Variants in CELF1 observed in about 807,000 individuals in gnomAD.
The protein encoded by CELF1 is CUGBP Elav-like family member 1.
CELF1 carries 10 observed loss-of-function variants against 61.8 expected under a neutral mutation model. The observed-to-expected ratio is 0.16, with a 90% CI of 0.10 to 0.27. The LOEUF (loss-of-function observed/expected upper bound fraction) is 0.27, where lower values mean the gene tolerates loss of function less well. Among genes scored for constraint, CELF1 ranks in the 10% least tolerant of loss-of-function variants. The probability of loss-of-function intolerance (pLI) is 1.00; values close to 1 mark genes in which losing one functional copy is unlikely to be tolerated. For missense variants in CELF1, 380 were observed against 639.1 expected, an observed-to-expected ratio of 0.59 and a Z score of 4.37; for synonymous variants, 236 against 225.1, an observed-to-expected ratio of 1.05 and a Z score of -0.43.
intron 3 of CELF1, among the ~76,000 whole-genome samples, chr11:47,493,303 C>T (rs1403200013): frequency 6.7e-6 from 1 of 148,660 alleles, no homozygotes; most frequent in African/African-American, 2.5e-5. Flanking sequence ...GAGTTTGAGA[C>T]CAGCCTGAAC....
chr11:47,545,573 G>A (rs1598478811), intron 1 of CELF1, among the ~76,000 whole-genome samples: 1 of 152,264 alleles, frequency 6.6e-6, no homozygotes. Context: ...GCATTAAGAG[G>A]TTAATAACAA....
rs1238381270 is a variant in CELF1 at position 47,561,262 on chromosome 11, G to C, written c.-11+3089C>G. On this transcript the variant is annotated intron_variant, in intron 2 of 3. Coordinates refer to the CELF1 transcript ENST00000525841. ...GATTGAGACCATCCTGGCTAACACGGAGAAACCCATCTCTACTAAAAATAC... is the reference window on the plus strand; with the variant it reads ...GATTGAGACCATCCTGGCTAACACGCAGAAACCCATCTCTACTAAAAATAC... 3.3e-5 allele frequency among the ~76,000 whole-genome samples: 5 copies of C among 150,498 alleles called. No individual in the cohort carries two copies. In the East Asian group the frequency reaches 7.8e-4, roughly 24 times the overall value.
At chr11:47,544,682 TCTGGTAA>T (rs1465949702) in intron 1 of CELF1, among the ~76,000 whole-genome samples, 3 of 152,238 alleles carry the variant, frequency 2.0e-5, no homozygotes, top group Non-Finnish European at 2.9e-5. Context: ...GTATACGTGT[TCTGGTAA>T]CTATAGGATT....
intron 6 of CELF1, among the ~76,000 whole-genome samples, chr11:47,486,432 CAG>C (rs2087152463): frequency 6.7e-6 from 1 of 149,674 alleles, no homozygotes; most frequent in Middle Eastern, 3.5e-3. Flanking sequence ...TTTTTTGAGA[CAG>C]AGTCTCACTC....
intron 12 of CELF1, 129 bp downstream of exon 12, chr11:47,476,717 C>T (rs779682557): frequency 5.5e-6 from 4 of 726,342 alleles, no homozygotes; most frequent in Non-Finnish European, 9.4e-6. Flanking sequence ...TGAGCCACCA[C>T]ACCTGGCCCT....
chr11:47,533,681 G>C (rs1446029805), intron 1 of CELF1, among the ~76,000 whole-genome samples: 2 of 149,648 alleles, frequency 1.3e-5, no homozygotes, highest in African/African-American at 4.9e-5. Context: ...ATGGTGGCGG[G>C]CACTTGCAAT....
At chr11:47,489,935 G>GTTTTTGTTTTTTTTT (rs1555170253) in intron 3 of CELF1, among the ~76,000 whole-genome samples, 7 of 48,226 alleles carry the variant, frequency 1.5e-4, no homozygotes, top group South Asian at 9.8e-4. Flanking sequence ...ATACCATCTT[G>GTTTTTGTTTTTTTTT]TTTTTTTTTT....
chr11:47,476,774 T>C (rs1437437699), intron 12 of CELF1, 72 bp downstream of exon 12: 2 of 1,173,300 alleles, frequency 1.7e-6, no homozygotes, highest in East Asian at 4.7e-5. Flanking sequence ...ATTCCAGTGG[T>C]GCCCCTACCA....
In CELF1 at chr11:47,468,084, C is replaced by T. The variant is rs745516706; in HGVS notation, c.*4146G>A. 2.0e-5 allele frequency: 3 copies of T among 152,022 alleles called. No individual in the cohort carries two copies. Among genetic ancestry groups the T allele is most frequent in the African/African-American group, 4.8e-5 (2 of 41,368 alleles). The allele number at this position is 152,022 out of a possible 1,614,324, so 9.4% of individuals were successfully genotyped here. On this transcript the variant is annotated 3_prime_UTR_variant, in exon 15 of 15. Coordinates refer to ENST00000687097, the MANE Select transcript of CELF1 (RefSeq NM_001376376.1). ...CAAAAACACAAAAACAATACAAAAA[C>T]AAAAACAACAACAAAAAAATCAAAG...
At chr11:47,527,859 G>A (rs796819544) in intron 1 of CELF1, among the ~76,000 whole-genome samples, 1 of 152,186 alleles carries the variant, frequency 6.6e-6, no homozygotes, top group South Asian at 2.1e-4. Context: ...ACTTTGGGAG[G>A]CCGAGGCAGG....
At chr11:47,515,144 G>A (rs567515270) in intron 1 of CELF1, among the ~76,000 whole-genome samples, 4 of 152,310 alleles carry the variant, frequency 2.6e-5, no homozygotes, top group Non-Finnish European at 4.4e-5. Context: ...AATTACTAAC[G>A]CTTCTACCTA....
intron 1 of CELF1, among the ~76,000 whole-genome samples, chr11:47,514,488 C>G (rs1565866756): frequency 1.3e-5 from 2 of 152,042 alleles, no homozygotes; most frequent in Non-Finnish European, 2.9e-5. Context: ...AACCAGAGGT[C>G]GTCTCACCTG....
chr11:47,543,084 T>C (rs1050920764), intron 1 of CELF1, among the ~76,000 whole-genome samples: 4 of 151,642 alleles, frequency 2.6e-5, no homozygotes, highest in African/African-American at 7.3e-5. Context: ...CACTCAAGTC[T>C]GGGCAACAAA....
At chr11:47,476,181 G>GC (rs1405666944) in intron 12 of CELF1, among the ~76,000 whole-genome samples, 1 of 151,500 alleles carries the variant, frequency 6.6e-6, no homozygotes, top group East Asian at 2.0e-4. Context: ...TTGTAGAGAT[G>GC]GAGTTCTCAC....
intron 13 of CELF1, among the ~76,000 whole-genome samples, chr11:47,474,185 C>T (rs1284901339): frequency 6.6e-6 from 1 of 152,238 alleles, no homozygotes; most frequent in African/African-American, 2.4e-5. Context: ...GCGCGAGCCA[C>T]TGCGCCCAGC....
At chr11:47,555,123 A>G (rs1003350687), upstream of CELF1, among the ~76,000 whole-genome samples, 1 of 152,212 alleles carries the variant, frequency 6.6e-6, no homozygotes, top group Admixed American at 6.5e-5. Context: ...TACATGCTCA[A>G]TAAATATTGT....
At chr11:47,479,048 GC>G in intron 9 of CELF1, 96 bp from the exon 10 acceptor site, 2 of 945,536 alleles carry the variant, frequency 2.1e-6, no homozygotes, top group Non-Finnish European at 3.3e-6. Flanking sequence ...GAGTGCAGAG[GC>G]CCCCAGAGAG....
At position 47,550,689 on chromosome 11, in the gene CELF1, G is replaced by GT. The variant is rs923865857; in HGVS notation, c.-154+2302dup. Among the ~76,000 whole-genome samples the GT allele has an allele frequency of 3.2e-4, 48 of 147,826 alleles. 1 individual carries two copies. Among genetic ancestry groups the GT allele is most frequent in the South Asian group, 1.3e-3 (6 of 4,674 alleles). ...AGTTTCTTCATTTTTTGACTTACCT[G>GT]TTTTTTTTTTATAGTGAATCTGTAA... On this transcript the variant is annotated intron_variant, in intron 1 of 14. Transcript: ENST00000687097.
At chr11:47,533,378 T>C (rs959095590) in intron 1 of CELF1, among the ~76,000 whole-genome samples, 1 of 152,068 alleles carries the variant, frequency 6.6e-6, no homozygotes, top group African/African-American at 2.4e-5. Context: ...TCCCAGCACT[T>C]TGGGAGGCCA....
Sources: allele counts gnomAD v4.1 joint callset (sites outside exome capture counted in the v4.1 genomes callset), GRCh38; gene constraint gnomAD v4.1.1; transcripts MANE v1.5; gene names NCBI Gene and HGNC (gene_info 2026-07-23, HGNC 2026-07-21).